The following RBFOX1 variants were observed in gnomAD, a reference collection of about 807,000 sequenced individuals.
The protein encoded by RBFOX1 is RNA binding protein fox-1 homolog 1.
Under a neutral mutation model 57.7 loss-of-function variants are expected in RBFOX1, and 8 were observed. That is an observed-to-expected ratio of 0.14 (90% CI 0.08 to 0.25). The LOEUF is 0.25. RBFOX1 is among the 10% of genes least tolerant of loss of function. The pLI is 1.00. For missense variants in RBFOX1, 611 were observed against 548.5 expected (o/e 1.11, Z -1.14); for synonymous variants, 326 against 222.4 (o/e 1.47, Z -4.15).
intron 3 of RBFOX1, among the ~76,000 whole-genome samples, chr16:7,034,423 G>A (rs771750042): frequency 1.3e-5 from 2 of 152,138 alleles, no homozygotes; most frequent in Non-Finnish European, 2.9e-5. Flanking sequence ...GGATGATGAA[G>A]AGAGTCGCTG....
intron 4 of RBFOX1, among the ~76,000 whole-genome samples, chr16:7,454,264 A>G (rs567545046): frequency 2.6e-4 from 39 of 152,254 alleles, no homozygotes; most frequent in Admixed American, 1.4e-3. Flanking sequence ...GTCATAGCCA[A>G]TGTCTTCCCA....
At chr16:6,114,267 G>C (rs944303732) in intron 1 of RBFOX1, among the ~76,000 whole-genome samples, 6 of 152,148 alleles carry the variant, frequency 3.9e-5, no homozygotes, top group African/African-American at 1.4e-4. Context: ...TCTGATTTCA[G>C]TGAGGAAATT....
intron 4 of RBFOX1, among the ~76,000 whole-genome samples, chr16:7,408,602 A>G (rs570991916): frequency 6.6e-6 from 1 of 152,334 alleles, no homozygotes; most frequent in South Asian, 2.1e-4. Context: ...TTAATTTAAT[A>G]AGACCTTATC....
intron 1 of RBFOX1, among the ~76,000 whole-genome samples, chr16:5,446,601 C>A (rs1272863894): frequency 1.3e-5 from 2 of 152,040 alleles, no homozygotes; most frequent in Non-Finnish European, 2.9e-5. Flanking sequence ...GTGGCTTGAT[C>A]CGATTTGTAC....
intron 1 of RBFOX1, among the ~76,000 whole-genome samples, chr16:5,269,730 G>A (rs2062957555): frequency 6.6e-6 from 1 of 152,144 alleles, no homozygotes. Context: ...TTTTTGAGGT[G>A]ATGAAATGTT....
intron 4 of RBFOX1, among the ~76,000 whole-genome samples, chr16:7,201,650 G>A (rs1017430630): frequency 6.6e-6 from 1 of 152,006 alleles, no homozygotes; most frequent in Non-Finnish European, 1.5e-5. Context: ...TTTTAGCAGA[G>A]ATATGGTTTC....
intron 13 of RBFOX1, among the ~76,000 whole-genome samples, chr16:7,668,661 AACACAC>A (rs34133804): frequency 4.3e-4 from 65 of 150,346 alleles, no homozygotes; most frequent in East Asian, 3.4e-3. Flanking sequence ...AACAGAACAG[AACACAC>A]ACACACACAC....
intron 1 of RBFOX1, among the ~76,000 whole-genome samples, chr16:6,246,709 C>T (rs757920973): frequency 2.7e-4 from 41 of 152,274 alleles, no homozygotes; most frequent in Middle Eastern, 3.4e-3. Flanking sequence ...AGTATAACTG[C>T]GGACTGGATA....
chr16:7,475,504 C>G (rs554524080), intron 4 of RBFOX1, among the ~76,000 whole-genome samples: 1 of 151,926 alleles, frequency 6.6e-6, no homozygotes, highest in African/African-American at 2.4e-5. Flanking sequence ...TTAGTAGAGA[C>G]GGCGTTTCAC....
intron 3 of RBFOX1, among the ~76,000 whole-genome samples, chr16:5,731,191 G>T (rs1214456261): frequency 2.0e-5 from 3 of 151,386 alleles, no homozygotes; most frequent in African/African-American, 7.3e-5. Flanking sequence ...TTTGTCACCA[G>T]TGTCACCGTT....
chr16:7,495,786 C>T (rs1464689928), intron 4 of RBFOX1, among the ~76,000 whole-genome samples: 1 of 152,198 alleles, frequency 6.6e-6, no homozygotes, highest in Non-Finnish European at 1.5e-5. Context: ...GCACCAAAAT[C>T]TCAGAAATCC....
chr16:7,198,662 A>T (rs537393965), intron 4 of RBFOX1, among the ~76,000 whole-genome samples: 1 of 152,294 alleles, frequency 6.6e-6, no homozygotes, highest in South Asian at 2.1e-4. Context: ...GGCAAGAGGG[A>T]AGAATAGATG....
intron 2 of RBFOX1, among the ~76,000 whole-genome samples, chr16:6,642,525 C>T (rs2098500580): frequency 6.6e-6 from 1 of 152,002 alleles, no homozygotes; most frequent in South Asian, 2.1e-4. Context: ...TTTTACCCCA[C>T]GCCAGCTCTG....
intron 1 of RBFOX1, among the ~76,000 whole-genome samples, chr16:6,215,714 C>T (rs988806546): frequency 6.6e-6 from 1 of 152,092 alleles, no homozygotes; most frequent in Non-Finnish European, 1.5e-5. Context: ...GGGTGATGAT[C>T]TGTGGGCACA....
chr16:5,780,762 C>A (rs1217659490), intron 3 of RBFOX1, among the ~76,000 whole-genome samples: 1 of 152,206 alleles, frequency 6.6e-6, no homozygotes, highest in Non-Finnish European at 1.5e-5. Context: ...CAGGCAGCTC[C>A]CGAGAGAAGC....
intron 4 of RBFOX1, among the ~76,000 whole-genome samples, chr16:7,406,141 T>C (rs1239736430): frequency 6.6e-6 from 1 of 152,066 alleles, no homozygotes; most frequent in Admixed American, 6.6e-5. Context: ...AAACACAGAG[T>C]ACAATCTTTG....
chr16:5,413,494 C>T (rs1011381550), intron 1 of RBFOX1, among the ~76,000 whole-genome samples: 1 of 152,192 alleles, frequency 6.6e-6, no homozygotes, highest in Admixed American at 6.5e-5. Context: ...AGCCACCACT[C>T]CCGTGTTCAT....
chr16:7,488,837 C>T (rs985407458), intron 4 of RBFOX1, among the ~76,000 whole-genome samples: 2 of 152,152 alleles, frequency 1.3e-5, no homozygotes, highest in Non-Finnish European at 2.9e-5. Flanking sequence ...TATACATTCT[C>T]ACATCCATTA....
At position 7,336,620 on chromosome 16, in the gene RBFOX1, T is replaced by C. The variant is rs924819741; in HGVS notation, c.28-181527T>C. 9.9e-5 allele frequency among the ~76,000 whole-genome samples: 15 copies of C among 152,216 alleles called. No homozygotes were observed. In the South Asian group the frequency reaches 1.0e-3, roughly 10 times the overall value. ...TAGGTAAACCCCAACTATAAGACTA[T>C]AATGAAGTCAGAGGGAGGAAATGAT... On this transcript the variant is annotated intron_variant, in intron 4 of 15. Transcript: ENST00000550418.
Sources: allele counts gnomAD v4.1 joint callset (sites outside exome capture counted in the v4.1 genomes callset), GRCh38; gene constraint gnomAD v4.1.1; transcripts MANE v1.5; gene names NCBI Gene and HGNC (gene_info 2026-07-23, HGNC 2026-07-21).